The following LRP5 variants were observed in gnomAD, a reference collection of about 807,000 sequenced individuals.
LRP5 encodes LDL receptor related protein 5, also known as low-density lipoprotein receptor-related protein 5.
Under a neutral mutation model 154.1 loss-of-function variants are expected in LRP5, and 62 were observed. The observed-to-expected ratio is 0.40, with a 90% CI of 0.33 to 0.50. The LOEUF is 0.50. Ranked by LOEUF, LRP5 falls within the 20% of genes least tolerant of loss-of-function variation. The pLI is 0.55. For synonymous variants in LRP5, 966 were observed against 1,011.5 expected, an observed-to-expected ratio of 0.96 and a Z score of 0.85; for missense variants, 1,915 against 2,336.7, an observed-to-expected ratio of 0.82 and a Z score of 3.72.
intron 5 of LRP5, among the ~76,000 whole-genome samples, chr11:68,382,395 C>A (rs1335514226): frequency 6.6e-6 from 1 of 152,146 alleles, no homozygotes; most frequent in East Asian, 1.9e-4. Context: ...TACCTAAATC[C>A]CAGAGGCTCT....
intron 7 of LRP5, among the ~76,000 whole-genome samples, chr11:68,391,699 T>C (rs1455810984): frequency 6.6e-6 from 1 of 152,132 alleles, no homozygotes; most frequent in East Asian, 1.9e-4. Context: ...TCCTTGTAAA[T>C]GTTTTGTTTT....
At chr11:68,312,489 C>A (rs1254830988), upstream of LRP5, 1 of 146,310 alleles carries the variant, frequency 6.8e-6, no homozygotes, top group African/African-American at 2.5e-5. Flanking sequence ...CCGGGGGGCG[C>A]CCGCGGGAGG....
At chr11:68,378,142 G>A (rs2098638382) in intron 5 of LRP5, among the ~76,000 whole-genome samples, 1 of 143,630 alleles carries the variant, frequency 7.0e-6, no homozygotes, top group South Asian at 2.3e-4. Context: ...GCCTCCTTTT[G>A]CCAAAATAAC....
chr11:68,412,683 C>G (rs1447073747), intron 11 of LRP5, among the ~76,000 whole-genome samples: 1 of 151,912 alleles, frequency 6.6e-6, no homozygotes, highest in Non-Finnish European at 1.5e-5. Context: ...CTCTGAGGCT[C>G]CAAGTCCCCA....
At chr11:68,429,460 G>T in intron 16 of LRP5, 115 bp from the exon 17 acceptor site, 2 of 1,309,158 alleles carry the variant, frequency 1.5e-6, no homozygotes, top group East Asian at 2.3e-5. Context: ...CAGAGAGGCC[G>T]GGCCTGCAGG....
At chr11:68,310,624 C>T (rs2098587116), upstream of LRP5, among the ~76,000 whole-genome samples, 1 of 151,200 alleles carries the variant, frequency 6.6e-6, no homozygotes, top group Non-Finnish European at 1.5e-5. Context: ...CATCTCAAAA[C>T]AAAACAACAA....
intron 12 of LRP5, among the ~76,000 whole-genome samples, chr11:68,414,884 C>T (rs531997538): frequency 1.3e-5 from 2 of 152,334 alleles, no homozygotes; most frequent in East Asian, 3.9e-4. Context: ...TGGGACTTCC[C>T]ATGCCTGGGC....
chr11:68,378,299 G>T (rs1442112772), intron 5 of LRP5, among the ~76,000 whole-genome samples: 1 of 152,194 alleles, frequency 6.6e-6, no homozygotes, highest in Non-Finnish European at 1.5e-5. Flanking sequence ...GGCTCAGGCC[G>T]CTGGGCGACG....
rs796146134 is a variant in LRP5, at chr11:68,383,263, G to C, written c.1016-3053G>C. ...GTTTTGGGATCAAGTGCCGGTTTCT[G>C]TCTGGCACTGGCGTTCTCTGTGGGG... On this transcript the variant is annotated intron_variant, in intron 5 of 22. Coordinates refer to ENST00000294304, the MANE Select transcript of LRP5 (RefSeq NM_002335.4). Among the ~76,000 whole-genome samples, 126 of 152,318 alleles carry C rather than the reference G, an allele frequency of 8.3e-4. 1 individual carries two copies. Among genetic ancestry groups the C allele is most frequent in the African/African-American group, 2.8e-3 (115 of 41,578 alleles).
At position 68,406,645 on chromosome 11, in the gene LRP5, C is replaced by G; in HGVS notation, c.1923C>G (p.Ile641Met). 1 of 1,614,176 alleles carries G rather than the reference C, an allele frequency of 6.2e-7. No homozygotes were observed. The highest frequency in any genetic ancestry group is 1.1e-5 in the South Asian group (1 of 91,086). Residue 641 changes from isoleucine to methionine, a missense_variant, in exon 9 of 23, where the codon ATC becomes ATG. By Grantham distance (10) the Ile-to-Met change is conservative. Transcript: ENST00000294304. ...TGCTGAGTGACATGAAGACCTGCAT[C>G]GTGCCTGAGGCCTTCTTGGTCTTCA... ...LELLSDMKTC[I>M]VPEAFLVFTS...
Position 68,386,212 on chromosome 11 carries a change from C to A in LRP5, c.1016-104C>A. The A allele has an allele frequency of 2.8e-6, 4 of 1,442,746 alleles. No individual in the cohort carries two copies. In the South Asian group the frequency reaches 3.5e-5, roughly 12 times the overall value. 89.4% of individuals were successfully genotyped at this position (1,442,746 alleles called of 1,614,324 possible). ...ATCACCAGCCTTTGCAAGGAGAGCC[C>A]TGGGGGCCTGGCTGAGTATTTCCCT... On this transcript the variant is annotated intron_variant, in intron 5 of 22. Coordinates refer to ENST00000294304, the MANE Select transcript of LRP5 (RefSeq NM_002335.4). This position sits in a 1 kb window ranked among gnomAD's most constrained non-coding sequence, Gnocchi z 7.9.
rs370769494 is a variant in LRP5, at chr11:68,392,027, G to T, written c.1584+1975G>T. The stretch of plus-strand genomic sequence containing the variant: ...CAGCTAGTTTTTGTGTATTTTTTGT[G>T]GGGGGAGATGGGGTTTCGCTGTGGT... On this transcript the variant is annotated intron_variant, in intron 7 of 22. Transcript: ENST00000294304. 1.2e-3 allele frequency among the ~76,000 whole-genome samples: 179 copies of T among 152,146 alleles called. 1 individual carries two copies. The highest frequency in any genetic ancestry group is 2.3e-3 in the Non-Finnish European group (155 of 67,986).
At chr11:68,350,478 A>C (rs762632687) in intron 2 of LRP5, among the ~76,000 whole-genome samples, 23 of 152,206 alleles carry the variant, frequency 1.5e-4, no homozygotes, top group Non-Finnish European at 2.9e-4. Context: ...GACAGTGTCC[A>C]AGCTCTGGAG....
In LRP5 at chr11:68,348,146, C is replaced by T. The variant is rs368250404; in HGVS notation, c.391C>T (p.Arg131Cys). 19 of 1,613,916 alleles carry T rather than the reference C, an allele frequency of 1.2e-5. No homozygotes were observed. The highest frequency in any genetic ancestry group is 1.1e-4 in the East Asian group (5 of 44,894). The part of the protein sequence containing the change: ...KLYWTDSETN[R>C]IEVANLNGTS... ...GTACTGGACGGACTCAGAGACCAAC[C>T]GCATCGAGGTGGCCAACCTCAATGG... is the stretch of plus-strand genomic sequence containing the variant. The change falls in exon 2 of 23, where the codon CGC becomes TGC. Residue 131 changes from arginine to cysteine, a missense_variant. Transcript: ENST00000294304.
At chr11:68,316,063 A>C (rs2098593189) in intron 1 of LRP5, among the ~76,000 whole-genome samples, 1 of 152,168 alleles carries the variant, frequency 6.6e-6, no homozygotes, top group South Asian at 2.1e-4. Flanking sequence ...ATCACCCCAA[A>C]ATAAAACCCA....
Position 68,413,981 on chromosome 11 carries a change from C to T in LRP5, c.2796C>T (p.Tyr932=), listed in dbSNP as rs750812663. Residue 932 remains tyrosine (Y), a synonymous_variant, in exon 12 of 23, where the codon TAC becomes TAT. Transcript: ENST00000294304. The surrounding 1 kb of genome is among the most constrained non-coding windows in gnomAD (Gnocchi z 5.1). ...ACCGCTGCGGCTGCGCCTCACACTA[C>T]ACCCTGGACCCCAGCAGCCGCAACT... is the stretch of plus-strand genomic sequence containing the variant. ...GGHRCGCASH[Y]TLDPSSRNCS... is the part of the protein sequence containing the mutation. 3.7e-6 allele frequency: 6 copies of T among 1,605,712 alleles called. No homozygotes were observed. Among genetic ancestry groups the T allele is most frequent in the Middle Eastern group, 1.7e-4 (1 of 6,060 alleles).
chr11:68,439,963 C>T (rs954069366), intron 21 of LRP5, 47 bp downstream of exon 21: 2 of 1,470,126 alleles, frequency 1.4e-6, no homozygotes, highest in East Asian at 2.5e-5. Context: ...GGGCTGTGGG[C>T]CCCTCCCACC....
In LRP5 at chr11:68,347,838, G is replaced by A. The variant is rs750562136; in HGVS notation, c.92-9G>A. The stretch of plus-strand genomic sequence containing the variant: ...CCAGTGGCCCTCACGGTTTGCTTCT[G>A]CCCCACAGCCTCGCCGCTCCTGCTA... On this transcript the variant is annotated splice_polypyrimidine_tract_variant and intron_variant, in intron 1 of 22. Coordinates refer to ENST00000294304, the MANE Select transcript of LRP5 (RefSeq NM_002335.4). 1 of 1,612,912 alleles carries A rather than the reference G, an allele frequency of 6.2e-7. No individual in the cohort carries two copies. Among genetic ancestry groups the A allele is most frequent in the Admixed American group, 1.7e-5 (1 of 60,028 alleles).
intron 12 of LRP5, 80 bp downstream of exon 12, chr11:68,414,092 C>T: frequency 7.4e-7 from 1 of 1,356,272 alleles, no homozygotes. Context: ...AAAGGAGCTT[C>T]TCATCTGGGG....
Sources: gnomAD v4.1 joint callset for allele counts (sites outside exome capture counted in the v4.1 genomes callset) on GRCh38, gnomAD v4.1.1 for gene constraint, Gnocchi (gnomAD v3.1) non-coding constraint, MANE v1.5 for transcripts, NCBI Gene and HGNC (gene_info 2026-07-23, HGNC 2026-07-21) for gene names.